ZHX2: variants seen among roughly 807,000 people sequenced by gnomAD.
The protein encoded by ZHX2 is zinc fingers and homeoboxes protein 2.
A neutral mutation model predicts 21.9 loss-of-function variants in ZHX2; 6 were observed. The ratio of observed to expected loss-of-function variants is 0.27; its 90% CI spans 0.15 to 0.54. The LOEUF is 0.54. Among genes scored for constraint, ZHX2 ranks in the 20% least tolerant of loss-of-function variants. The pLI is 0.95. For missense variants in ZHX2, 908 were observed against 1,090.7 expected, an observed-to-expected ratio of 0.83 and a Z score of 2.36; for synonymous variants, 434 against 437.1, an observed-to-expected ratio of 0.99 and a Z score of 0.09.
At chr8:122,880,045 T>A (rs1448271768) in intron 2 of ZHX2, among the ~76,000 whole-genome samples, 1 of 148,550 alleles carries the variant, frequency 6.7e-6, no homozygotes, top group Non-Finnish European at 1.5e-5. Flanking sequence ...CAATCTCAGC[T>A]CACTGCAACC....
chr8:122,927,783 A>G (rs990728802), intron 2 of ZHX2, among the ~76,000 whole-genome samples: 1 of 152,192 alleles, frequency 6.6e-6, no homozygotes, highest in African/African-American at 2.4e-5. Context: ...GGGAGCTACA[A>G]TTCAAGATGA....
chr8:122,948,017 C>T (rs1813020396), intron 2 of ZHX2, among the ~76,000 whole-genome samples: 1 of 152,128 alleles, frequency 6.6e-6, no homozygotes, highest in Non-Finnish European at 1.5e-5. Context: ...GTCCTCTCCA[C>T]CCCACTGCTG....
intron 3 of ZHX2, among the ~76,000 whole-genome samples, chr8:122,961,832 A>G (rs574343358): frequency 4.6e-5 from 7 of 152,330 alleles, no homozygotes; most frequent in African/African-American, 1.7e-4. Context: ...CACAAAGCCT[A>G]ACAATATCAC....
intron 2 of ZHX2, among the ~76,000 whole-genome samples, chr8:122,881,929 T>C (rs1819723394): frequency 6.6e-6 from 1 of 152,220 alleles, no homozygotes; most frequent in African/African-American, 2.4e-5. Flanking sequence ...TTAGTGGCAC[T>C]GTGCACCCAG....
intron 2 of ZHX2, among the ~76,000 whole-genome samples, chr8:122,875,165 A>ATCCT (rs1819540310): frequency 2.2e-5 from 1 of 46,070 alleles, no homozygotes; most frequent in African/African-American, 9.4e-5. Context: ...ATATATATAT[A>ATCCT]TATATATATA....
intron 1 of ZHX2, among the ~76,000 whole-genome samples, chr8:122,791,144 G>A (rs1462224574): frequency 6.6e-6 from 1 of 152,222 alleles, no homozygotes; most frequent in African/African-American, 2.4e-5. Flanking sequence ...GAGGATAACA[G>A]CAAGGATGGG....
intron 1 of ZHX2, among the ~76,000 whole-genome samples, chr8:122,858,133 G>C (rs1253141012): frequency 1.3e-5 from 2 of 152,188 alleles, no homozygotes; most frequent in African/African-American, 4.8e-5. Flanking sequence ...TTTTGAGCTT[G>C]ACCTTGCTCT....
chr8:122,958,830 T>C (rs1813370916), intron 3 of ZHX2, among the ~76,000 whole-genome samples: 1 of 152,212 alleles, frequency 6.6e-6, no homozygotes, highest in Admixed American at 6.5e-5. Context: ...GCAAGAACTT[T>C]AGAGAGCCCT....
At position 122,974,393 on chromosome 8, in the gene ZHX2, C is replaced by G. The variant is rs1263001455; in HGVS notation, c.*1156C>G. On this transcript the variant is annotated 3_prime_UTR_variant, in exon 4 of 4. Transcript: ENST00000314393. ...TGCAATCCCTCCCCGTCCCACACTGCCCCCCATTTGAGTACACCGCACAAG... is the reference window on the plus strand; with the variant it reads ...TGCAATCCCTCCCCGTCCCACACTGGCCCCCATTTGAGTACACCGCACAAG... 1 of 151,982 alleles carries G rather than the reference C, an allele frequency of 6.6e-6. No individual in the cohort carries two copies. The highest frequency in any genetic ancestry group is 1.5e-5 in the Non-Finnish European group (1 of 67,940). 9.4% of individuals were successfully genotyped at this position (151,982 alleles called of 1,614,324 possible).
chr8:122,847,649 G>A (rs867937067), intron 1 of ZHX2, among the ~76,000 whole-genome samples: 1 of 152,210 alleles, frequency 6.6e-6, no homozygotes, highest in African/African-American at 2.4e-5. Context: ...ACCCACCTTC[G>A]CACATGGGGG....
At chr8:122,840,296 A>G (rs1184317154) in intron 1 of ZHX2, among the ~76,000 whole-genome samples, 1 of 152,198 alleles carries the variant, frequency 6.6e-6, no homozygotes, top group African/African-American at 2.4e-5. Flanking sequence ...CTGTGGAAAT[A>G]CAGACTTCCA....
At chr8:122,896,898 T>C (rs192486952) in intron 2 of ZHX2, among the ~76,000 whole-genome samples, 58 of 152,348 alleles carry the variant, frequency 3.8e-4, no homozygotes, top group Admixed American at 3.1e-3. Flanking sequence ...GAAATGTAGA[T>C]GATGTGTCCA....
At chr8:122,888,218 C>A (rs1166292282) in intron 2 of ZHX2, among the ~76,000 whole-genome samples, 2 of 152,004 alleles carry the variant, frequency 1.3e-5, no homozygotes, top group Non-Finnish European at 1.5e-5. Flanking sequence ...AGTTCAGAGT[C>A]CAGAAACACA....
intron 2 of ZHX2, among the ~76,000 whole-genome samples, chr8:122,893,146 A>G (rs191600441): frequency 1.3e-5 from 2 of 152,096 alleles, no homozygotes; most frequent in African/African-American, 4.8e-5. Context: ...CAGCACTTTG[A>G]TTACATAATC....
chr8:122,960,028 A>C (rs550398340), intron 3 of ZHX2, among the ~76,000 whole-genome samples: 1 of 152,256 alleles, frequency 6.6e-6, no homozygotes, highest in East Asian at 1.9e-4. Flanking sequence ...GTATTTGTGG[A>C]ATGTCTGCAG....
intron 2 of ZHX2, among the ~76,000 whole-genome samples, chr8:122,880,246 T>G (rs1284066690): frequency 6.6e-6 from 1 of 151,760 alleles, no homozygotes; most frequent in Admixed American, 6.6e-5. Flanking sequence ...AGTGCTGGGA[T>G]TACAGGCATG....
intron 2 of ZHX2, among the ~76,000 whole-genome samples, chr8:122,924,936 C>G (rs375899669): frequency 2.0e-5 from 3 of 152,236 alleles, no homozygotes; most frequent in East Asian, 3.9e-4. Context: ...ATTCACAGGT[C>G]TCTCCTCCTC....
chr8:122,957,287 C>T (rs1339106198), intron 3 of ZHX2, among the ~76,000 whole-genome samples: 1 of 119,020 alleles, frequency 8.4e-6, no homozygotes, highest in Non-Finnish European at 1.7e-5. Flanking sequence ...CAGGGACTAG[C>T]TGTGTTCACA....
chr8:122,945,572 G>A (rs1261329852), intron 2 of ZHX2, among the ~76,000 whole-genome samples: 3 of 151,908 alleles, frequency 2.0e-5, no homozygotes, highest in East Asian at 3.9e-4. Flanking sequence ...GGAAAACTGA[G>A]TCGAGATCAA....
Sources: gnomAD v4.1 joint callset for allele counts (sites outside exome capture counted in the v4.1 genomes callset) on GRCh38, gnomAD v4.1.1 for gene constraint, MANE v1.5 for transcripts, NCBI Gene and HGNC (gene_info 2026-07-23, HGNC 2026-07-21) for gene names.